The following SLC16A10 variants were observed in gnomAD, a reference collection of about 807,000 sequenced individuals.
SLC16A10 encodes solute carrier family 16 member 10.
Under a neutral mutation model 40.0 loss-of-function variants are expected in SLC16A10, and 27 were observed. That is an observed-to-expected ratio of 0.67 (90% CI 0.50 to 0.93). The LOEUF (loss-of-function observed/expected upper bound fraction) is 0.93, where lower values mean the gene tolerates loss of function less well. Among genes scored for constraint, SLC16A10 ranks in the 40% least tolerant of loss-of-function variants. SLC16A10 has a pLI of 0.00. For missense variants in SLC16A10, 529 were observed against 658.2 expected (o/e 0.80, Z 2.15); for synonymous variants, 213 against 249.8 (o/e 0.85, Z 1.39).
At chr6:111,145,427 C>T (rs1772059645) in intron 1 of SLC16A10, among the ~76,000 whole-genome samples, 1 of 151,992 alleles carries the variant, frequency 6.6e-6, no homozygotes, top group Admixed American at 6.6e-5. Context: ...TAATATATGT[C>T]GTAGTTTTAA....
chr6:111,208,588 A>G (rs1773292502), intron 4 of SLC16A10, among the ~76,000 whole-genome samples: 1 of 152,118 alleles, frequency 6.6e-6, no homozygotes. Context: ...AGAGAAAAAA[A>G]AAAAATCAAT....
At chr6:111,104,130 G>A (rs1311263583) in intron 1 of SLC16A10, among the ~76,000 whole-genome samples, 1 of 152,182 alleles carries the variant, frequency 6.6e-6, no homozygotes, top group Non-Finnish European at 1.5e-5. Flanking sequence ...GGCAAAGAAT[G>A]GTGGAGCTGG....
In SLC16A10 at chr6:111,229,997, T is replaced by TTTTTTTTC. The variant is rs1410474649; in HGVS notation, c.*7769_*7770insCTTTTTTT. On this transcript the variant is annotated 3_prime_UTR_variant, in exon 6 of 6. Transcript: ENST00000368851. ...CTTTTTCTTTCTTTGTTTCTTTTTTTTTTTTTTTTTTGAGATGGAGTCTTG... is the reference window on the plus strand; with the variant it reads ...CTTTTTCTTTCTTTGTTTCTTTTTTTTTTTTTTCTTTTTTTTTTTGAGATGGAGTCTTG... 7.6e-6 allele frequency: 1 copy of TTTTTTTTC among 131,580 alleles called. No homozygotes were observed. Among genetic ancestry groups the TTTTTTTTC allele is most frequent in the African/African-American group, 2.9e-5 (1 of 34,088 alleles). 8.2% of individuals were successfully genotyped at this position (131,580 alleles called of 1,614,324 possible). A position where few individuals can be genotyped will look rare whatever the true frequency, so the allele number is the denominator to read the frequency against.
At chr6:111,115,273 C>T (rs1007377708) in intron 1 of SLC16A10, among the ~76,000 whole-genome samples, 3 of 152,090 alleles carry the variant, frequency 2.0e-5, no homozygotes, top group African/African-American at 4.8e-5. Flanking sequence ...CGCAGTGGCA[C>T]GGTCTTGGCT....
chr6:111,134,081 T>C (rs1583320103), intron 1 of SLC16A10, among the ~76,000 whole-genome samples: 1 of 152,196 alleles, frequency 6.6e-6, no homozygotes, highest in African/African-American at 2.4e-5. Context: ...TGGCAATCTC[T>C]GGTATCTCAG....
chr6:111,173,807 A>T (rs563470731), intron 2 of SLC16A10, among the ~76,000 whole-genome samples: 1 of 152,318 alleles, frequency 6.6e-6, no homozygotes, highest in South Asian at 2.1e-4. Context: ...TGAGTTGTAT[A>T]ATTATTTCAT....
At chr6:111,192,387 C>A (rs1486595924) in intron 3 of SLC16A10, among the ~76,000 whole-genome samples, 1 of 152,032 alleles carries the variant, frequency 6.6e-6, no homozygotes, top group Non-Finnish European at 1.5e-5. Context: ...AGCCATTCAA[C>A]AGGTCTCTAG....
chr6:111,211,828 G>A (rs1393687252), intron 4 of SLC16A10, among the ~76,000 whole-genome samples: 1 of 152,204 alleles, frequency 6.6e-6, no homozygotes, highest in African/African-American at 2.4e-5. Context: ...GTTGACTCCA[G>A]CTCTGCCTGT....
intron 1 of SLC16A10, among the ~76,000 whole-genome samples, chr6:111,104,550 G>A (rs2114446807): frequency 6.6e-6 from 1 of 152,312 alleles, no homozygotes; most frequent in African/African-American, 2.4e-5. Flanking sequence ...TGATGTCATG[G>A]ACAGGTATGG....
rs1161397564 is a variant in SLC16A10, at chr6:111,228,779, C to G, written c.*6544C>G. ...GCACGGTGACTCATGCCTGTAATCC[C>G]AGCACTTTGGGAGGCCGAGACAGGC... On this transcript the variant is annotated 3_prime_UTR_variant, in exon 6 of 6. Transcript: ENST00000368851. 1.3e-5 allele frequency: 2 copies of G among 152,094 alleles called. No homozygotes were observed. Among genetic ancestry groups the G allele is most frequent in the African/African-American group, 2.4e-5 (1 of 41,386 alleles). 9.4% of individuals were successfully genotyped at this position (152,094 alleles called of 1,614,324 possible). A position where few individuals can be genotyped will look rare whatever the true frequency, so the allele number is the denominator to read the frequency against.
intron 3 of SLC16A10, among the ~76,000 whole-genome samples, chr6:111,187,876 C>T (rs569582393): frequency 6.6e-6 from 1 of 152,164 alleles, no homozygotes; most frequent in African/African-American, 2.4e-5. Flanking sequence ...TTGTCCCTGA[C>T]AATGCAAGGC....
At chr6:111,141,484 A>G (rs1254617203) in intron 1 of SLC16A10, among the ~76,000 whole-genome samples, 2 of 152,046 alleles carry the variant, frequency 1.3e-5, no homozygotes, top group African/African-American at 2.4e-5. Flanking sequence ...CCAACATGGA[A>G]AAACCCCATC....
rs767690280 is a variant in SLC16A10, at chr6:111,222,222, ACT to A, written c.1538_1539del (p.Ser513TyrfsTer35). ...TCTGGAATGTTCAAGAAAGAATCTGACTCTATTATTTAATATCTTACATACCT... is the reference window on the plus strand; with the variant it reads ...TCTGGAATGTTCAAGAAAGAATCTGACTATTATTTAATATCTTACATACCT... On this transcript the variant is annotated frameshift_variant, in exon 6 of 6. Coordinates refer to ENST00000368851, the MANE Select transcript of SLC16A10 (RefSeq NM_018593.5). LOFTEE classifies it high-confidence loss of function. 6.2e-7 allele frequency: 1 copy of A among 1,601,852 alleles called. No homozygotes were observed. The highest frequency in any genetic ancestry group is 8.5e-7 in the Non-Finnish European group (1 of 1,176,852).
chr6:111,088,692 C>T (rs1240986468), intron 1 of SLC16A10, among the ~76,000 whole-genome samples: 2 of 152,104 alleles, frequency 1.3e-5, no homozygotes, highest in Admixed American at 6.5e-5. Flanking sequence ...GTAGAAAACA[C>T]GGGAGGCAGC....
At chr6:111,093,956 C>T (rs144122400) in intron 1 of SLC16A10, among the ~76,000 whole-genome samples, 2 of 152,036 alleles carry the variant, frequency 1.3e-5, no homozygotes, top group African/African-American at 4.8e-5. Context: ...GGATTAAGTG[C>T]GAGACTGAAT....
In SLC16A10 at chr6:111,101,741, C is replaced by G. The variant is rs903983533; in HGVS notation, c.343+13646C>G. ...GCTGAAGCCATCCTCCCACTTCAGC[C>G]TCCCAAGTAGCTGGGACTACAGGAG... On this transcript the variant is annotated intron_variant, in intron 1 of 5. Transcript: ENST00000368851. Among the ~76,000 whole-genome samples the G allele has an allele frequency of 8.5e-5, 13 of 152,310 alleles. No homozygotes were observed. The East Asian group carries it at 2.1e-3, about 25-fold the overall frequency.
chr6:111,087,691 G>C lies in SLC16A10; in HGVS notation c.-62G>C. On this transcript the variant is annotated 5_prime_UTR_variant, in exon 1 of 6. Coordinates refer to ENST00000368851, the MANE Select transcript of SLC16A10 (RefSeq NM_018593.5). ...GCCAGGAGCCCCGCAGCTCCTCCGG[G>C]AGCCCGCTGGTAACTCGCGTCCCTC... is the stretch of plus-strand genomic sequence containing the variant. 2 of 990,152 alleles carry C rather than the reference G, an allele frequency of 2.0e-6. No homozygotes were observed. Among genetic ancestry groups the C allele is most frequent in the Non-Finnish European group, 2.6e-6 (2 of 777,866 alleles). 61.3% of individuals were successfully genotyped at this position (990,152 alleles called of 1,614,324 possible). A position where few individuals can be genotyped will look rare whatever the true frequency, so the allele number is the denominator to read the frequency against.
At chr6:111,221,878 G>C in intron 5 of SLC16A10, 125 bp from the exon 6 acceptor site, 1 of 766,180 alleles carries the variant, frequency 1.3e-6, no homozygotes, top group Non-Finnish European at 2.0e-6. Flanking sequence ...TTATATTTCA[G>C]ATCTGTTTCC....
At chr6:111,187,688 A>C (rs999448299) in intron 3 of SLC16A10, among the ~76,000 whole-genome samples, 1 of 152,210 alleles carries the variant, frequency 6.6e-6, no homozygotes, top group Non-Finnish European at 1.5e-5. Flanking sequence ...GAGGAGTGAA[A>C]TTAGTTTCTG....
Sources: allele counts gnomAD v4.1 joint callset (sites outside exome capture counted in the v4.1 genomes callset), GRCh38; gene constraint gnomAD v4.1.1; transcripts MANE v1.5; gene names NCBI Gene and HGNC (gene_info 2026-07-23, HGNC 2026-07-21).